The following BCL2L13 variants were observed in gnomAD, a reference collection of about 807,000 sequenced individuals.
BCL2L13 encodes bcl-2-like protein 13.
A neutral mutation model predicts 25.8 loss-of-function variants in BCL2L13; 13 were observed. The ratio of observed to expected loss-of-function variants is 0.50; its 90% CI spans 0.33 to 0.80. The LOEUF (loss-of-function observed/expected upper bound fraction) is 0.80, where lower values mean the gene tolerates loss of function less well. Among genes scored for constraint, BCL2L13 ranks in the 30% least tolerant of loss-of-function variants. The probability of loss-of-function intolerance (pLI) is 0.02; values close to 1 mark genes in which losing one functional copy is unlikely to be tolerated. For missense variants in BCL2L13, 504 were observed against 574.9 expected (o/e 0.88, Z 1.26); for synonymous variants, 244 against 230.3 (o/e 1.06, Z -0.54).
chr22:17,680,071 G>A (rs149766746), intron 2 of BCL2L13, among the ~76,000 whole-genome samples: 2,262 of 151,842 alleles, frequency 0.015, 60 homozygotes, highest in African/African-American at 0.05. Flanking sequence ...AAAATTAGCC[G>A]GGCGTGTTGG....
intron 6 of BCL2L13, among the ~76,000 whole-genome samples, chr22:17,716,249 G>A (rs747656046): frequency 6.6e-6 from 1 of 152,150 alleles, no homozygotes; most frequent in Non-Finnish European, 1.5e-5. Flanking sequence ...GTCTTAAACT[G>A]GGGTCCATAG....
intron 2 of BCL2L13, among the ~76,000 whole-genome samples, chr22:17,670,900 G>C (rs566894028): frequency 2.0e-5 from 3 of 152,098 alleles, no homozygotes; most frequent in African/African-American, 7.2e-5. Context: ...AGATGCTTAG[G>C]GGGTATGATA....
intron 1 of BCL2L13, among the ~76,000 whole-genome samples, chr22:17,654,859 C>A (rs1316339616): frequency 6.6e-6 from 1 of 151,918 alleles, no homozygotes; most frequent in South Asian, 2.1e-4. Flanking sequence ...GTAACTGGGA[C>A]CATAGGCAGG....
In BCL2L13 at chr22:17,655,818, T is replaced by A; in HGVS notation, c.107T>A (p.Leu36His). The A allele has an allele frequency of 6.2e-7, 1 of 1,613,374 alleles. No homozygotes were observed. ...LSQEKLQEQH[L>H]SSPQGVQLDI... Reference sequence around the variant, plus strand: ...CAAGAGAAGCTGCAAGAGCAACATCTTTCCTCACCCCAAGGTATTATCTTT... The same window carrying A: ...CAAGAGAAGCTGCAAGAGCAACATCATTCCTCACCCCAAGGTATTATCTTT... The change falls in exon 2 of 7, where the codon CTT becomes CAT. Residue 36 changes from leucine to histidine, a missense_variant. Leu to His is a moderately conservative substitution (Grantham distance 99). Coordinates refer to ENST00000317582, the MANE Select transcript of BCL2L13 (RefSeq NM_015367.4).
At chr22:17,636,441 A>G (rs1050260168), upstream of BCL2L13, among the ~76,000 whole-genome samples, 2 of 151,814 alleles carry the variant, frequency 1.3e-5, no homozygotes, top group African/African-American at 2.4e-5. Flanking sequence ...GCAGTGAGGT[A>G]TGATTGTACC....
chr22:17,677,223 A>C (rs2059600424), intron 2 of BCL2L13, among the ~76,000 whole-genome samples: 1 of 152,264 alleles, frequency 6.6e-6, no homozygotes, highest in African/African-American at 2.4e-5. Flanking sequence ...TCATAAGGAA[A>C]GTGTTTTATG....
intron 2 of BCL2L13, among the ~76,000 whole-genome samples, chr22:17,668,757 G>T (rs765799143): frequency 6.6e-6 from 1 of 152,058 alleles, no homozygotes; most frequent in Non-Finnish European, 1.5e-5. Context: ...GAGCCACTGC[G>T]CTTGGCCTGA....
Position 17,729,539 on chromosome 22 carries a change from A to G in BCL2L13, c.*2005A>G, listed in dbSNP as rs111323042. On this transcript the variant is annotated 3_prime_UTR_variant, in exon 7 of 7. Transcript: ENST00000317582. ...ATGAGTTCCAGTATTAACACTTGCC[A>G]GTTCTGGATCCTCACACCCATTGGC... 1.3e-5 allele frequency: 2 copies of G among 152,216 alleles called. No homozygotes were observed. Among genetic ancestry groups the G allele is most frequent in the South Asian group, 2.1e-4 (1 of 4,832 alleles). The allele number at this position is 152,216 out of a possible 1,614,324, so 9.4% of individuals were successfully genotyped here.
At chr22:17,662,813 A>AAAAAAT (rs1392361905) in intron 2 of BCL2L13, among the ~76,000 whole-genome samples, 1 of 152,178 alleles carries the variant, frequency 6.6e-6, no homozygotes, top group Admixed American at 6.6e-5. Context: ...AGACTTTCAA[A>AAAAAAT]AAAAATAAAA....
chr22:17,639,001 C>A, intron 1 of BCL2L13, 115 bp downstream of exon 1: 4 of 861,292 alleles, frequency 4.6e-6, no homozygotes, highest in Non-Finnish European at 6.2e-6. Flanking sequence ...GTTCCGACGA[C>A]GCGTGAGTTT....
At chr22:17,668,183 T>C (rs2059296807) in intron 2 of BCL2L13, among the ~76,000 whole-genome samples, 1 of 151,054 alleles carries the variant, frequency 6.6e-6, no homozygotes, top group Non-Finnish European at 1.5e-5. Context: ...GCTAATTTTT[T>C]GTGTTTTTAG....
At chr22:17,666,709 T>C (rs1450435009) in intron 2 of BCL2L13, among the ~76,000 whole-genome samples, 4 of 139,114 alleles carry the variant, frequency 2.9e-5, no homozygotes, top group Non-Finnish European at 4.6e-5. Context: ...TAAGACAGGG[T>C]CTTGCTTTGT....
In BCL2L13 at chr22:17,730,097, C is replaced by T. The variant is rs771761822; in HGVS notation, c.*2563C>T. 2.0e-5 allele frequency: 3 copies of T among 152,164 alleles called. No individual in the cohort carries two copies. Among genetic ancestry groups the T allele is most frequent in the Non-Finnish European group, 4.4e-5 (3 of 68,026 alleles). 9.4% of individuals were successfully genotyped at this position (152,164 alleles called of 1,614,324 possible). On this transcript the variant is annotated 3_prime_UTR_variant, in exon 7 of 7. Coordinates refer to ENST00000317582, the MANE Select transcript of BCL2L13 (RefSeq NM_015367.4). Reference sequence around the variant, plus strand: ...AATCCAACTTGTTTATAGAAAAGTTCTTGTTAGTCCTTAGACCTCATCTCA... The same window carrying T: ...AATCCAACTTGTTTATAGAAAAGTTTTTGTTAGTCCTTAGACCTCATCTCA...
At chr22:17,685,122 C>T (rs2059886090) in intron 3 of BCL2L13, among the ~76,000 whole-genome samples, 1 of 152,030 alleles carries the variant, frequency 6.6e-6, no homozygotes, top group South Asian at 2.1e-4. Flanking sequence ...GATCCGCCCA[C>T]CTCGGTCTCC....
chr22:17,693,334 T>C (rs1456655743), intron 4 of BCL2L13, among the ~76,000 whole-genome samples: 7 of 76,790 alleles, frequency 9.1e-5, no homozygotes, highest in South Asian at 2.7e-4. Flanking sequence ...TTTGGGGTAG[T>C]TTATTTATTT....
chr22:17,631,686 A>G (rs796821522), intron 1 of BCL2L13, among the ~76,000 whole-genome samples: 9,836 of 51,762 alleles, frequency 0.19, 1,573 homozygotes, highest in South Asian at 0.38. Flanking sequence ...ATATATATAT[A>G]TATATATATA....
intron 6 of BCL2L13, among the ~76,000 whole-genome samples, chr22:17,724,098 C>A (rs2061230200): frequency 6.6e-6 from 1 of 151,924 alleles, no homozygotes; most frequent in Admixed American, 6.6e-5. Context: ...CATAGAGAGA[C>A]CCGTCTCTAC....
chr22:17,662,477 C>CA (rs1326382552), intron 2 of BCL2L13, among the ~76,000 whole-genome samples: 1 of 151,212 alleles, frequency 6.6e-6, no homozygotes, highest in Non-Finnish European at 1.5e-5. Context: ...GACTCCATCT[C>CA]AAAAAACAAA....
intron 6 of BCL2L13, among the ~76,000 whole-genome samples, chr22:17,715,621 G>A (rs918813463): frequency 1.3e-5 from 2 of 150,504 alleles, no homozygotes; most frequent in Non-Finnish European, 3.0e-5. Context: ...TAGTCTCCAG[G>A]AGCTTAGAGT....
Sources: gnomAD v4.1 joint callset for allele counts (sites outside exome capture counted in the v4.1 genomes callset) on GRCh38, gnomAD v4.1.1 for gene constraint, MANE v1.5 for transcripts, NCBI Gene and HGNC (gene_info 2026-07-23, HGNC 2026-07-21) for gene names.